CEMIP: variants seen among roughly 807,000 people sequenced by gnomAD.
CEMIP encodes the protein cell migration-inducing and hyaluronan-binding protein.
Under a neutral mutation model 156.9 loss-of-function variants are expected in CEMIP, and 105 were observed. The ratio of observed to expected loss-of-function variants is 0.67; its 90% CI spans 0.57 to 0.79. The LOEUF (loss-of-function observed/expected upper bound fraction) is 0.79. Ranked by LOEUF, CEMIP falls within the 30% of genes least tolerant of loss-of-function variation. CEMIP has a pLI of 0.00. For missense variants in CEMIP, 1,457 were observed against 1,769.4 expected (o/e 0.82, Z 3.17); for synonymous variants, 676 against 668.4 (o/e 1.01, Z -0.17).
chr15:80,903,454 C>A (rs952097899), intron 12 of CEMIP, among the ~76,000 whole-genome samples: 4 of 152,164 alleles, frequency 2.6e-5, no homozygotes, highest in Admixed American at 1.3e-4. Context: ...GAGGGAGATA[C>A]ACGCATGGAA....
In CEMIP at chr15:80,895,982, G is replaced by A. The variant is rs1295808021; in HGVS notation, c.1333G>A (p.Asp445Asn). 2 of 1,614,008 alleles carry A rather than the reference G, an allele frequency of 1.2e-6. No homozygotes were observed. The highest frequency in any genetic ancestry group is 1.7e-6 in the Non-Finnish European group (2 of 1,180,006). Residue 445 changes from aspartate (D) to asparagine (N), a missense_variant, in exon 12 of 30, where the codon GAT (aspartate) becomes AAT (asparagine). Around this residue, in one of 5 missense-constraint regions of CEMIP, gnomAD observed 280 missense variants for 300.3 expected, o/e 0.93. Coordinates refer to ENST00000394685, the MANE Select transcript of CEMIP (RefSeq NM_001293298.2). ...PGDTLVIAST[D>N]YSMYQAEEFQ... ...AGATACCCTGGTCATTGCCAGTACT[G>A]ATTACTCCATGTACCAGGCAGAAGA...
intron 1 of CEMIP, among the ~76,000 whole-genome samples, chr15:80,787,310 C>T (rs1051586545): frequency 1.3e-5 from 2 of 152,218 alleles, no homozygotes; most frequent in Non-Finnish European, 2.9e-5. Flanking sequence ...TTAGACAATA[C>T]CTTCACCTCT....
chr15:80,930,450 TAGGAACCTAAGAG>T (rs1437942336), intron 21 of CEMIP, among the ~76,000 whole-genome samples: 1 of 152,210 alleles, frequency 6.6e-6, no homozygotes, highest in Non-Finnish European at 1.5e-5. Flanking sequence ...CATCTGCAAG[TAGGAACCTAAGAG>T]CCTGCAGTCC....
intron 9 of CEMIP, 36 bp from the exon 10 acceptor site, chr15:80,889,435 C>A: frequency 6.2e-7 from 1 of 1,613,580 alleles, no homozygotes; most frequent in Non-Finnish European, 8.5e-7. Context: ...TCACAGACAA[C>A]CTCCTGTCTG....
intron 19 of CEMIP, 38 bp downstream of exon 19, chr15:80,925,793 G>C (rs944716944): frequency 1.9e-6 from 3 of 1,602,556 alleles, no homozygotes; most frequent in Non-Finnish European, 2.5e-6. Context: ...CACAAAGGGG[G>C]CATGGCGCGT....
At chr15:80,891,092 G>C (rs1157156099) in intron 10 of CEMIP, among the ~76,000 whole-genome samples, 1 of 152,150 alleles carries the variant, frequency 6.6e-6, no homozygotes, top group Non-Finnish European at 1.5e-5. Context: ...TATCCCTCCA[G>C]TTCACTTGAC....
Position 80,906,829 on chromosome 15 carries a change from C to A in CEMIP, c.1578C>A (p.Gly526=), listed in dbSNP as rs1406552590. Residue 526 remains glycine (G), a synonymous_variant, in exon 13 of 30, where the codon GGC becomes GGA. Coordinates refer to ENST00000394685, the MANE Select transcript of CEMIP (RefSeq NM_001293298.2). This position sits in a 1 kb window ranked among gnomAD's most constrained non-coding sequence, Gnocchi z 4.3. The part of the protein sequence containing the change: ...CNFFDFDTFG[G]HIKFALGFKA... ...TCTTTGACTTCGATACCTTTGGGGG[C>A]CACATCAAGGTATGTGTCTCTCTGG... is the stretch of plus-strand genomic sequence containing the variant. 6.2e-7 allele frequency: 1 copy of A among 1,613,020 alleles called. No homozygotes were observed. Among genetic ancestry groups the A allele is most frequent in the East Asian group, 2.2e-5 (1 of 44,858 alleles).
At chr15:80,924,560 G>T in intron 17 of CEMIP, 61 bp from the exon 18 acceptor site, 1 of 1,449,378 alleles carries the variant, frequency 6.9e-7, no homozygotes, top group East Asian at 2.3e-5. Flanking sequence ...GGCTGACTGT[G>T]AGACGATGCC....
chr15:80,900,839 C>T (rs950007479), intron 12 of CEMIP: 10 of 429,940 alleles, frequency 2.3e-5, no homozygotes, highest in African/African-American at 2.0e-4. Context: ...CCTAGGGACA[C>T]AGCTATCTCT....
In CEMIP at chr15:80,929,004, ATCT is replaced by A. The variant is rs778800435; in HGVS notation, c.2457-11_2457-9del. 6.2e-7 allele frequency: 1 copy of A among 1,614,140 alleles called. No individual in the cohort carries two copies. Among genetic ancestry groups the A allele is most frequent in the East Asian group, 2.2e-5 (1 of 44,880 alleles). Reference sequence around the variant, plus strand: ...TGTCTCTGGGCATCTCACCTTAAACATCTTCTCTCTACAGTGGTGGAACCTTCC... The same window carrying A: ...TGTCTCTGGGCATCTCACCTTAAACATCTCTCTACAGTGGTGGAACCTTCC... On this transcript the variant is annotated splice_polypyrimidine_tract_variant and intron_variant, in intron 20 of 29. Coordinates refer to ENST00000394685, the MANE Select transcript of CEMIP (RefSeq NM_001293298.2).
intron 23 of CEMIP, among the ~76,000 whole-genome samples, chr15:80,934,239 G>A (rs1268471742): frequency 1.3e-5 from 2 of 152,126 alleles, no homozygotes; most frequent in African/African-American, 4.8e-5. Flanking sequence ...AATGTGTAAT[G>A]ATCAAATCAG....
At chr15:80,933,514 C>A in intron 23 of CEMIP, 54 bp downstream of exon 23, 3 of 1,382,970 alleles carry the variant, frequency 2.2e-6, no homozygotes, top group South Asian at 1.2e-5. Context: ...ATGCAACAAG[C>A]ATTCAGTGAG....
In CEMIP at chr15:80,920,313, C is replaced by A. The variant is rs1212856076; in HGVS notation, c.2003+14C>A. On this transcript the variant is annotated intron_variant, in intron 15 of 29. Transcript: ENST00000394685. ...GCAAGACTGCAAGTAAGTGCCTGGA[C>A]CCCTCTCTGTGTGCTGGGGGGAAGG... The A allele has an allele frequency of 1.2e-6, 2 of 1,610,446 alleles. No individual in the cohort carries two copies. The highest frequency in any genetic ancestry group is 8.5e-7 in the Non-Finnish European group (1 of 1,177,014).
chr15:80,844,536 AC>A (rs773035450), intron 1 of CEMIP, among the ~76,000 whole-genome samples: 6 of 151,898 alleles, frequency 4.0e-5, no homozygotes, highest in African/African-American at 9.7e-5. Context: ...CCTGAAAACC[AC>A]CCCCCAGATG....
intron 1 of CEMIP, among the ~76,000 whole-genome samples, chr15:80,858,326 T>C (rs144703643): frequency 1.3e-5 from 2 of 152,324 alleles, no homozygotes; most frequent in Non-Finnish European, 2.9e-5. Context: ...GGGGACATGA[T>C]ACAATTGAGG....
At chr15:80,816,816 AC>A (rs66596841) in intron 1 of CEMIP, among the ~76,000 whole-genome samples, 3,374 of 152,238 alleles carry the variant, frequency 0.022, 80 homozygotes, top group African/African-American at 0.063. Context: ...AGTAATGAGC[AC>A]AAACCAGGTG....
intron 1 of CEMIP, among the ~76,000 whole-genome samples, chr15:80,851,526 T>C (rs542634581): frequency 1.3e-5 from 2 of 152,300 alleles, no homozygotes; most frequent in East Asian, 3.9e-4. Flanking sequence ...ATAAGAGACC[T>C]ATGCTGAATA....
At chr15:80,790,573 T>C (rs1469165033) in intron 1 of CEMIP, among the ~76,000 whole-genome samples, 1 of 152,184 alleles carries the variant, frequency 6.6e-6, no homozygotes, top group East Asian at 1.9e-4. Flanking sequence ...CTTATGCAGC[T>C]CCAGGTGGGG....
At chr15:80,886,977 G>C (rs1898864988) in intron 7 of CEMIP, among the ~76,000 whole-genome samples, 2 of 152,180 alleles carry the variant, frequency 1.3e-5, no homozygotes. Flanking sequence ...AATTCCTTGA[G>C]CTTGAAATAT....
Sources: gnomAD v4.1 joint callset for allele counts (sites outside exome capture counted in the v4.1 genomes callset) on GRCh38, gnomAD v4.1.1 for gene constraint, gnomAD v4.1.1 regional missense constraint, Gnocchi (gnomAD v3.1) non-coding constraint, MANE v1.5 for transcripts, NCBI Gene and HGNC (gene_info 2026-07-23, HGNC 2026-07-21) for gene names.